Variants in LOXL1 observed in about 807,000 individuals in gnomAD.
LOXL1 encodes lysyl oxidase like 1, also known as lysyl oxidase homolog 1.
In LOXL1, 31 loss-of-function variants were observed where a neutral mutation model predicts 62.2. The ratio of observed to expected loss-of-function variants is 0.50; its 90% CI spans 0.37 to 0.67. The LOEUF is 0.67. LOXL1 is among the 30% of genes least tolerant of loss of function. The pLI, the probability that LOXL1 is intolerant of heterozygous loss-of-function variation, is 0.00. For missense variants in LOXL1, 775 were observed against 843.4 expected, an observed-to-expected ratio of 0.92 and a Z score of 1.00; for synonymous variants, 403 against 384.4, an observed-to-expected ratio of 1.05 and a Z score of -0.56.
In LOXL1 at chr15:73,927,061, G is replaced by C; in HGVS notation, c.278G>C (p.Arg93Pro). The C allele has an allele frequency of 7.6e-7, 1 of 1,312,658 alleles. No individual in the cohort carries two copies. Among genetic ancestry groups the C allele is most frequent in the Non-Finnish European group, 9.7e-7 (1 of 1,025,758 alleles). 81.3% of individuals were successfully genotyped at this position (1,312,658 alleles called of 1,614,324 possible). Residue 93 changes from arginine to proline, a missense_variant, in exon 1 of 7, where the codon CGG (arginine) becomes CCG (proline). Transcript: ENST00000261921. ...CAGCGGCGCAGCCACGGGAGCCCCC[G>C]GCGTCGGCAGGCGCCGTCCCTGCCC... is the stretch of plus-strand genomic sequence containing the variant. ...AQQRRSHGSP[R>P]RRQAPSLPLP... is the part of the protein sequence containing the mutation.
chr15:73,935,934 G>GGTT (rs1555433151), intron 1 of LOXL1, among the ~76,000 whole-genome samples: 9 of 131,838 alleles, frequency 6.8e-5, no homozygotes, highest in Non-Finnish European at 1.3e-4. Flanking sequence ...AGGTAGAGCT[G>GGTT]GTGTGTGTGT....
intron 2 of LOXL1, 35 bp downstream of exon 2, chr15:73,942,997 A>G (rs760357215): frequency 2.6e-6 from 4 of 1,544,318 alleles, no homozygotes; most frequent in Non-Finnish European, 3.6e-6. Context: ...GAGTGTTGGG[A>G]TAGTCCCCGG....
At chr15:73,946,143 G>C (rs1423812765) in intron 2 of LOXL1, among the ~76,000 whole-genome samples, 3 of 152,210 alleles carry the variant, frequency 2.0e-5, no homozygotes, top group African/African-American at 4.8e-5. Flanking sequence ...TGCCATGCTT[G>C]GTACCGCTTT....
rs998990011 is a variant in LOXL1, at chr15:73,927,438, G to A, written c.655G>A (p.Val219Met). The change falls in exon 1 of 7, where the codon GTG (valine) becomes ATG (methionine). Residue 219 changes from valine (V) to methionine (M), a missense_variant. Transcript: ENST00000261921. ...CGGCGTGGGCGCGGGGGCGGCGGCC[G>A]TGGCCTCGGCGGGGGTCATCTACCC... The part of the protein sequence containing the change: ...GGGVGAGAAA[V>M]ASAGVIYPYQ... 4.8e-6 allele frequency: 7 copies of A among 1,459,536 alleles called. No homozygotes were observed. The highest frequency in any genetic ancestry group is 6.3e-6 in the Non-Finnish European group (7 of 1,107,250). 90.4% of individuals were successfully genotyped at this position (1,459,536 alleles called of 1,614,324 possible).
intron 1 of LOXL1, among the ~76,000 whole-genome samples, chr15:73,941,025 C>T (rs1358811488): frequency 2.0e-5 from 3 of 152,062 alleles, no homozygotes; most frequent in Admixed American, 6.5e-5. Context: ...GGCCCAGCTA[C>T]CCCACCCTAT....
At chr15:73,935,973 G>GTGTGTGTA (rs1475844913) in intron 1 of LOXL1, among the ~76,000 whole-genome samples, 1 of 151,468 alleles carries the variant, frequency 6.6e-6, no homozygotes, top group Non-Finnish European at 1.5e-5. Context: ...GTGTGTGTGT[G>GTGTGTGTA]TACGCGCATG....
At chr15:73,929,250 C>G (rs1014447572) in intron 1 of LOXL1, among the ~76,000 whole-genome samples, 12 of 152,216 alleles carry the variant, frequency 7.9e-5, no homozygotes, top group African/African-American at 2.2e-4. Flanking sequence ...TTCAAGCTGT[C>G]GTCAGTTTCC....
chr15:73,947,268 T>A, intron 4 of LOXL1, 45 bp downstream of exon 4: 1 of 1,557,890 alleles, frequency 6.4e-7, no homozygotes, highest in Non-Finnish European at 8.7e-7. Context: ...GGATAAGGAG[T>A]TGGGGAGGCA....
chr15:73,946,360 T>C (rs904324085), intron 2 of LOXL1, 57 bp from the exon 3 acceptor site: 2 of 1,344,598 alleles, frequency 1.5e-6, no homozygotes, highest in African/African-American at 1.4e-5. Context: ...GGGCCCATGC[T>C]GGGTTCTGGT....
At chr15:73,934,834 A>G (rs1233246627) in intron 1 of LOXL1, among the ~76,000 whole-genome samples, 1 of 152,232 alleles carries the variant, frequency 6.6e-6, no homozygotes, top group Non-Finnish European at 1.5e-5. Flanking sequence ...GGAGAGGGAC[A>G]GGTTGCAAAG....
intron 1 of LOXL1, among the ~76,000 whole-genome samples, chr15:73,941,509 G>C (rs911659764): frequency 6.6e-6 from 1 of 152,180 alleles, no homozygotes; most frequent in African/African-American, 2.4e-5. Context: ...CAGCAGGAAA[G>C]GGGTGGGAAA....
chr15:73,927,422 C>T lies in LOXL1; in HGVS notation c.639C>T (p.Gly213=), dbSNP rs777426965. 6 of 1,507,226 alleles carry T rather than the reference C, an allele frequency of 4.0e-6. No homozygotes were observed. Among genetic ancestry groups the T allele is most frequent in the East Asian group, 2.6e-5 (1 of 38,478 alleles). 93.4% of individuals were successfully genotyped at this position (1,507,226 alleles called of 1,614,324 possible). The change falls in exon 1 of 7, where the codon GGC becomes GGT. Residue 213 remains glycine (G), a synonymous_variant. Transcript: ENST00000261921. Reference sequence around the variant, plus strand: ...ACCGGCCCGCGGGCGGCGGCGTGGGCGCGGGGGCGGCGGCCGTGGCCTCGG... The same window carrying T: ...ACCGGCCCGCGGGCGGCGGCGTGGGTGCGGGGGCGGCGGCCGTGGCCTCGG... ...VYYRPAGGGV[G]AGAAAVASAG...
At position 73,930,458 on chromosome 15, in the gene LOXL1, A is replaced by G. The variant is rs2068628013; in HGVS notation, c.1102+2573A>G. On this transcript the variant is annotated intron_variant, in intron 1 of 6. Transcript: ENST00000261921. The surrounding 1 kb of genome is among the most constrained non-coding windows in gnomAD (Gnocchi z 4.7). ...TCCCATCATTGGTTCCTCCCTCCCC[A>G]CCCTGCTAGGCCAGACCGTGGAAAA... Among the ~76,000 whole-genome samples the G allele has an allele frequency of 6.6e-6, 1 of 151,964 alleles. No homozygotes were observed. The highest frequency in any genetic ancestry group is 1.5e-5 in the Non-Finnish European group (1 of 67,974).
chr15:73,935,348 G>A (rs532868156), intron 1 of LOXL1, among the ~76,000 whole-genome samples: 22 of 152,312 alleles, frequency 1.4e-4, no homozygotes, highest in African/African-American at 5.1e-4. Context: ...TATGGGGTAT[G>A]AAAGAAAGAG....
intron 2 of LOXL1, 30 bp from the exon 3 acceptor site, chr15:73,946,387 C>T (rs767924995): frequency 2.0e-6 from 3 of 1,489,426 alleles, no homozygotes; most frequent in East Asian, 2.3e-5. Flanking sequence ...GTGCCCCAAC[C>T]CCCCCTCATC....
chr15:73,935,062 G>A (rs1367501939), intron 1 of LOXL1, among the ~76,000 whole-genome samples: 1 of 152,198 alleles, frequency 6.6e-6, no homozygotes, highest in African/African-American at 2.4e-5. Context: ...GAGGTAATGG[G>A]GTCCGGGCCA....
intron 1 of LOXL1, 42 bp downstream of exon 1, chr15:73,927,927 G>C (rs544936376): frequency 7.7e-7 from 1 of 1,291,508 alleles, no homozygotes; most frequent in African/African-American, 1.5e-5. Flanking sequence ...GCGTACCCCT[G>C]GCCACTGGAA....
At chr15:73,946,137 A>G (rs1163443513) in intron 2 of LOXL1, among the ~76,000 whole-genome samples, 3 of 152,196 alleles carry the variant, frequency 2.0e-5, no homozygotes, top group Non-Finnish European at 2.9e-5. Flanking sequence ...GGACACTGCC[A>G]TGCTTGGTAC....
intron 1 of LOXL1, among the ~76,000 whole-genome samples, chr15:73,929,899 A>G (rs902917688): frequency 3.3e-5 from 5 of 152,156 alleles, no homozygotes; most frequent in African/African-American, 1.2e-4. Context: ...TCTGGGCACC[A>G]AGTCAGTGGG....
Sources: gnomAD v4.1 joint callset for allele counts (sites outside exome capture counted in the v4.1 genomes callset) on GRCh38, gnomAD v4.1.1 for gene constraint, Gnocchi (gnomAD v3.1) non-coding constraint, MANE v1.5 for transcripts, NCBI Gene and HGNC (gene_info 2026-07-23, HGNC 2026-07-21) for gene names.